NRXN3: variants seen among roughly 807,000 people sequenced by gnomAD.
NRXN3 encodes the protein neurexin III.
A neutral mutation model predicts 137.6 loss-of-function variants in NRXN3; 32 were observed. The observed-to-expected ratio is 0.23, with a 90% CI of 0.18 to 0.31. The LOEUF (loss-of-function observed/expected upper bound fraction) is 0.31. Among genes scored for constraint, NRXN3 ranks in the 10% least tolerant of loss-of-function variants. NRXN3 has a pLI of 1.00. For synonymous variants in NRXN3, 798 were observed against 784.5 expected (o/e 1.02, Z -0.29); for missense variants, 1,574 against 2,062.5 (o/e 0.76, Z 4.59).
intron 8 of NRXN3, among the ~76,000 whole-genome samples, chr14:78,802,959 A>T (rs1432391138): frequency 6.6e-6 from 1 of 152,144 alleles, no homozygotes; most frequent in African/African-American, 2.4e-5. Context: ...AATAAAAAAT[A>T]AAAATAAGTC....
chr14:78,206,794 C>CTT (rs1311829270), intron 1 of NRXN3, among the ~76,000 whole-genome samples: 1 of 152,120 alleles, frequency 6.6e-6, no homozygotes, highest in Non-Finnish European at 1.5e-5. Flanking sequence ...TGGTGAGCAA[C>CTT]TTGTCCAAGG....
chr14:78,457,407 G>T (rs1284842550), intron 4 of NRXN3, among the ~76,000 whole-genome samples: 1 of 152,116 alleles, frequency 6.6e-6, no homozygotes, highest in Non-Finnish European at 1.5e-5. Flanking sequence ...AAGATGCAAG[G>T]CCCCCTCACT....
At chr14:79,576,646 C>T (rs960028931) in intron 16 of NRXN3, among the ~76,000 whole-genome samples, 3 of 152,088 alleles carry the variant, frequency 2.0e-5, no homozygotes, top group African/African-American at 4.8e-5. Context: ...GTTCAGTCTT[C>T]GTTTTGCTTC....
chr14:78,628,651 GTAGA>G (rs2152524740), intron 4 of NRXN3, among the ~76,000 whole-genome samples: 1 of 152,332 alleles, frequency 6.6e-6, no homozygotes, highest in South Asian at 2.1e-4. Flanking sequence ...AGGAATTGGG[GTAGA>G]TAATGTTGGC....
chr14:78,326,686 G>A (rs936277693), intron 4 of NRXN3, among the ~76,000 whole-genome samples: 1 of 152,172 alleles, frequency 6.6e-6, no homozygotes, highest in Admixed American at 6.5e-5. Flanking sequence ...AGCAATGGAG[G>A]TTGAGGCAAA....
intron 4 of NRXN3, among the ~76,000 whole-genome samples, chr14:78,356,795 TA>T (rs2084366999): frequency 6.6e-6 from 1 of 152,250 alleles, no homozygotes; most frequent in African/African-American, 2.4e-5. Context: ...TTGTTGTTTC[TA>T]AGTTTTTATT....
At chr14:79,834,242 A>G (rs536991779) in intron 20 of NRXN3, among the ~76,000 whole-genome samples, 75 of 152,250 alleles carry the variant, frequency 4.9e-4, no homozygotes, top group Admixed American at 1.3e-3. Context: ...AAGTGCCACA[A>G]TGGAAAAGCA....
intron 4 of NRXN3, among the ~76,000 whole-genome samples, chr14:78,331,654 A>G (rs1360399275): frequency 6.6e-6 from 1 of 152,230 alleles, no homozygotes; most frequent in Non-Finnish European, 1.5e-5. Flanking sequence ...GTAGCCTGAG[A>G]GTTCCAGGAT....
At chr14:78,223,487 A>C (rs971398225) in intron 1 of NRXN3, among the ~76,000 whole-genome samples, 3 of 152,176 alleles carry the variant, frequency 2.0e-5, no homozygotes, top group Middle Eastern at 3.2e-3. Context: ...CAAATGTAAT[A>C]GTGCTTTTTC....
chr14:79,234,326 A>AT (rs1555883796), intron 15 of NRXN3, among the ~76,000 whole-genome samples: 32 of 111,712 alleles, frequency 2.9e-4, no homozygotes, highest in African/African-American at 1.2e-3. Context: ...ATATATATAT[A>AT]TATATATATA....
chr14:79,731,238 C>T (rs1409789967), intron 19 of NRXN3, among the ~76,000 whole-genome samples: 1 of 152,022 alleles, frequency 6.6e-6, no homozygotes, highest in Non-Finnish European at 1.5e-5. Context: ...ACAACAATGC[C>T]GAAGTGCCCA....
intron 16 of NRXN3, among the ~76,000 whole-genome samples, chr14:79,602,743 T>G (rs2097941463): frequency 6.6e-6 from 1 of 152,212 alleles, no homozygotes; most frequent in East Asian, 1.9e-4. Context: ...GAGCTTTTTT[T>G]TTTTTCCTAT....
intron 15 of NRXN3, among the ~76,000 whole-genome samples, chr14:79,174,780 A>C (rs1258218543): frequency 1.3e-5 from 2 of 152,056 alleles, no homozygotes; most frequent in Non-Finnish European, 2.9e-5. Context: ...CAGATGACTT[A>C]GAAATATTTC....
chr14:78,482,272 C>T (rs1420969920), intron 4 of NRXN3, among the ~76,000 whole-genome samples: 2 of 152,188 alleles, frequency 1.3e-5, no homozygotes, highest in African/African-American at 4.8e-5. Context: ...TATGCGTTGT[C>T]TAAGTGCTAT....
intron 4 of NRXN3, among the ~76,000 whole-genome samples, chr14:78,488,900 G>A (rs968656905): frequency 2.6e-5 from 4 of 151,918 alleles, no homozygotes; most frequent in African/African-American, 7.3e-5. Context: ...AAAGAGATGA[G>A]GAAAGGGAGA....
At chr14:79,369,718 A>G (rs1415838715) in intron 15 of NRXN3, among the ~76,000 whole-genome samples, 1 of 152,146 alleles carries the variant, frequency 6.6e-6, no homozygotes, top group Non-Finnish European at 1.5e-5. Flanking sequence ...CACTTTAATC[A>G]GTTTACTTGA....
In NRXN3 at chr14:79,839,973, A is replaced by G. The variant is rs113950469; in HGVS notation, c.4094-21369A>G. 9.5e-3 allele frequency among the ~76,000 whole-genome samples: 1,388 copies of G among 145,940 alleles called. 30 individuals carry two copies. The highest frequency in any genetic ancestry group is 0.033 in the African/African-American group (1,326 of 40,316). On this transcript the variant is annotated intron_variant, in intron 20 of 20. Transcript: ENST00000335750. ...CCTTGTAACATTTCTGGAAGCATGT[A>G]TGTATGTATGTATGTATGTATTTAA...
At chr14:78,532,375 TTGTGTGTGTGTGTGTGTGTGTGTGTG>T (rs56788209) in intron 4 of NRXN3, among the ~76,000 whole-genome samples, 1 of 138,586 alleles carries the variant, frequency 7.2e-6, no homozygotes, top group Admixed American at 7.3e-5. Flanking sequence ...TGATGATATT[TTGTGTGTGTGTGTGTGTGTGTGTGTG>T]TGTGTGTGTG....
chr14:78,847,642 AC>A (rs2152470620), intron 10 of NRXN3, among the ~76,000 whole-genome samples: 1 of 152,208 alleles, frequency 6.6e-6, no homozygotes, highest in East Asian at 1.9e-4. Flanking sequence ...GTTATTGCTC[AC>A]CCTCCTGAAT....
Sources: gnomAD v4.1 joint callset for allele counts (sites outside exome capture counted in the v4.1 genomes callset) on GRCh38, gnomAD v4.1.1 for gene constraint, MANE v1.5 for transcripts, NCBI Gene and HGNC (gene_info 2026-07-23, HGNC 2026-07-21) for gene names.